Variants in WDR43 observed in about 807,000 individuals in gnomAD.
WDR43 encodes the protein WD repeat-containing protein 43.
Under a neutral mutation model 91.4 loss-of-function variants are expected in WDR43, and 13 were observed. That is an observed-to-expected ratio of 0.14 (90% CI 0.09 to 0.23). The LOEUF is 0.23. WDR43 is among the 10% of genes least tolerant of loss of function. WDR43 has a pLI of 1.00. For missense variants in WDR43, 780 were observed against 809.4 expected, an observed-to-expected ratio of 0.96 and a Z score of 0.44; for synonymous variants, 331 against 287.9, an observed-to-expected ratio of 1.15 and a Z score of -1.51.
chr2:28,898,750 T>A (rs140367119), intron 1 of WDR43, among the ~76,000 whole-genome samples: 1 of 152,282 alleles, frequency 6.6e-6, no homozygotes, highest in East Asian at 1.9e-4. Flanking sequence ...CCGTGGGAAG[T>A]TTCTCTGTGA....
chr2:28,918,719 A>G (rs996716050), intron 6 of WDR43, among the ~76,000 whole-genome samples: 5 of 152,084 alleles, frequency 3.3e-5, no homozygotes, highest in African/African-American at 1.2e-4. Flanking sequence ...TGCTGCCTAT[A>G]AAAAAAGAAT....
chr2:28,900,406 A>G (rs1039648992), intron 1 of WDR43, among the ~76,000 whole-genome samples: 2 of 150,814 alleles, frequency 1.3e-5, no homozygotes, highest in East Asian at 1.9e-4. Flanking sequence ...CTGGTCTTGA[A>G]CTCCTGACCT....
intron 2 of WDR43, among the ~76,000 whole-genome samples, chr2:28,904,744 A>G (rs1670645791): frequency 6.6e-6 from 1 of 152,268 alleles, no homozygotes; most frequent in Non-Finnish European, 1.5e-5. Flanking sequence ...AAGGAAGGAA[A>G]GTAACTGAAT....
intron 16 of WDR43, among the ~76,000 whole-genome samples, chr2:28,944,100 G>C (rs959123383): frequency 6.6e-6 from 1 of 152,090 alleles, no homozygotes; most frequent in African/African-American, 2.4e-5. Flanking sequence ...GGTCATCTGT[G>C]GGAGGCTAGA....
At chr2:28,940,681 T>C (rs1469561871) in intron 14 of WDR43, among the ~76,000 whole-genome samples, 1 of 152,240 alleles carries the variant, frequency 6.6e-6, no homozygotes, top group Non-Finnish European at 1.5e-5. Context: ...TTTTTATAGT[T>C]GATCTAGGAT....
rs202140167 is a variant in WDR43 at position 28,894,996 on chromosome 2, G to GT, written c.225+74dup. On this transcript the variant is annotated intron_variant, in intron 1 of 17. Coordinates refer to ENST00000407426, the MANE Select transcript of WDR43 (RefSeq NM_015131.3). Reference sequence around the variant, plus strand: ...TTCGGGCCTCCGGGCCGGGTGGCGCGTGGTCCGGCATCGCGCGTGGCTCTC... The same window carrying GT: ...TTCGGGCCTCCGGGCCGGGTGGCGCGTTGGTCCGGCATCGCGCGTGGCTCTC... The GT allele has an allele frequency of 2.9e-3, 3,985 of 1,392,764 alleles. 91 individuals are homozygous for GT. In the African/African-American group the frequency reaches 0.054, roughly 19 times the overall value. 86.3% of individuals were successfully genotyped at this position (1,392,764 alleles called of 1,614,324 possible). A position where few individuals can be genotyped will look rare whatever the true frequency, so the allele number is the denominator to read the frequency against.
intron 1 of WDR43, chr2:28,895,942 T>A (rs1395318554): frequency 6.6e-6 from 1 of 152,198 alleles, no homozygotes; most frequent in Non-Finnish European, 1.5e-5. Context: ...CTGGGAAGCC[T>A]GCTAAATTTT....
chr2:28,936,433 A>G (rs1035471251), intron 12 of WDR43, among the ~76,000 whole-genome samples: 2 of 152,224 alleles, frequency 1.3e-5, no homozygotes, highest in Non-Finnish European at 2.9e-5. Flanking sequence ...TGTCTTGTAT[A>G]GAAAAGGGTG....
intron 3 of WDR43, among the ~76,000 whole-genome samples, chr2:28,910,323 AAG>A (rs1553326467): frequency 6.6e-6 from 1 of 152,222 alleles, no homozygotes; most frequent in Non-Finnish European, 1.5e-5. Flanking sequence ...TCAACGTAGT[AAG>A]TATATGTTGA....
Position 28,946,708 on chromosome 2 carries a change from G to A in WDR43, c.1963G>A (p.Asp655Asn). The A allele has an allele frequency of 6.3e-7, 1 of 1,581,542 alleles. No homozygotes were observed. Residue 655 changes from aspartate (D) to asparagine (N), a missense_variant, in exon 18 of 18, where the codon GAT becomes AAT. Around this residue, in one of 4 missense-constraint regions of WDR43, gnomAD observed 426 missense variants for 467.8 expected, o/e 0.91. Coordinates refer to ENST00000407426, the MANE Select transcript of WDR43 (RefSeq NM_015131.3). ...GKDEENGEDR[D>N]TASEKELNGD... ...AGATGAAGAAAATGGCGAGGACAGA[G>A]ATACAGCAAGTGAAAAAGAATTAAA... is the stretch of plus-strand genomic sequence containing the variant.
chr2:28,910,741 C>G (rs910861396), intron 3 of WDR43, among the ~76,000 whole-genome samples: 1 of 150,676 alleles, frequency 6.6e-6, no homozygotes, highest in Non-Finnish European at 1.5e-5. Flanking sequence ...CTCCGTCACC[C>G]AGGTGGAGTG....
intron 5 of WDR43, among the ~76,000 whole-genome samples, chr2:28,916,051 C>T (rs1042311864): frequency 6.6e-6 from 1 of 152,196 alleles, no homozygotes; most frequent in South Asian, 2.1e-4. Context: ...ATGTAATGAA[C>T]TGCACATACC....
intron 6 of WDR43, among the ~76,000 whole-genome samples, chr2:28,919,711 GTTA>G (rs1426883050): frequency 6.6e-6 from 1 of 152,092 alleles, no homozygotes; most frequent in Non-Finnish European, 1.5e-5. Context: ...ATGATTTAAT[GTTA>G]TTATAAAGTT....
At position 28,906,853 on chromosome 2, in the gene WDR43, G is replaced by C. The variant is rs147563965; in HGVS notation, c.485+272G>C. On this transcript the variant is annotated intron_variant, in intron 3 of 17. Transcript: ENST00000407426. ...TACAGTAGTGTTGGGAAGGCCTGGA[G>C]GAGGAGAAGGGATTTCAGTTGGACC... Among the ~76,000 whole-genome samples, 913 of 152,302 alleles carry C rather than the reference G, an allele frequency of 6.0e-3. 9 individuals carry two copies. The highest frequency in any genetic ancestry group is 0.02 in the African/African-American group (850 of 41,552).
chr2:28,934,433 C>T (rs1454616201), intron 11 of WDR43, among the ~76,000 whole-genome samples: 2 of 152,146 alleles, frequency 1.3e-5, no homozygotes, highest in Admixed American at 6.5e-5. Context: ...TTCATTTGTA[C>T]TGCAGTAAAG....
At chr2:28,913,879 A>T in intron 4 of WDR43, 190 bp from the exon 5 acceptor site, 1 of 752,348 alleles carries the variant, frequency 1.3e-6, no homozygotes, top group East Asian at 2.6e-5. Context: ...TTTCAGATGG[A>T]TTTTTTTAAA....
At chr2:28,930,648 T>G (rs1296438672) in intron 11 of WDR43, among the ~76,000 whole-genome samples, 2 of 152,238 alleles carry the variant, frequency 1.3e-5, no homozygotes, top group African/African-American at 2.4e-5. Flanking sequence ...CAATTGACAG[T>G]GTTTTTGAAA....
At chr2:28,907,446 C>CAA (rs34966684) in intron 3 of WDR43, among the ~76,000 whole-genome samples, 2 of 19,232 alleles carry the variant, frequency 1.0e-4, no homozygotes, top group Non-Finnish European at 2.4e-4. Flanking sequence ...CACCTCTTTA[C>CAA]AAAAAAAAAA....
intron 2 of WDR43, 85 bp downstream of exon 2, chr2:28,902,209 A>G: frequency 7.1e-7 from 1 of 1,417,006 alleles, no homozygotes; most frequent in Non-Finnish European, 9.5e-7. Flanking sequence ...ACTTCAAGGT[A>G]TGTGATGGGA....
Sources: allele counts gnomAD v4.1 joint callset (sites outside exome capture counted in the v4.1 genomes callset), GRCh38; gene constraint gnomAD v4.1.1; regional missense constraint gnomAD v4.1.1; transcripts MANE v1.5; gene names NCBI Gene and HGNC (gene_info 2026-07-23, HGNC 2026-07-21).